THSD7B: variants seen among roughly 807,000 people sequenced by gnomAD.
THSD7B encodes thrombospondin type-1 domain-containing protein 7B.
THSD7B carries 138 observed loss-of-function variants against 213.6 expected under a neutral mutation model. That is an observed-to-expected ratio of 0.65 (90% CI 0.56 to 0.74). The LOEUF (loss-of-function observed/expected upper bound fraction) is 0.74, where lower values mean the gene tolerates loss of function less well. Among genes scored for constraint, THSD7B ranks in the 30% least tolerant of loss-of-function variants. THSD7B has a pLI of 0.00. For synonymous variants in THSD7B, 742 were observed against 687.0 expected, an observed-to-expected ratio of 1.08 and a Z score of -1.25; for missense variants, 1,931 against 1,991.5, an observed-to-expected ratio of 0.97 and a Z score of 0.58.
chr2:136,976,225 G>A (rs780937975), intron 2 of THSD7B, among the ~76,000 whole-genome samples: 14 of 152,222 alleles, frequency 9.2e-5, no homozygotes, highest in Non-Finnish European at 1.6e-4. Context: ...AGTGGTGAGA[G>A]AGGGCAGCCT....
intron 3 of THSD7B, among the ~76,000 whole-genome samples, chr2:137,087,814 A>G (rs1230029803): frequency 6.6e-6 from 1 of 152,244 alleles, no homozygotes; most frequent in East Asian, 1.9e-4. Flanking sequence ...TAAAATTCAT[A>G]TGGAACCAAA....
At chr2:137,497,356 G>A (rs577831981) in intron 15 of THSD7B, among the ~76,000 whole-genome samples, 3 of 151,750 alleles carry the variant, frequency 2.0e-5, no homozygotes, top group East Asian at 1.9e-4. Context: ...TAAAATAATC[G>A]TAGACCTTAA....
chr2:137,398,743 G>T (rs1686269365), intron 12 of THSD7B, among the ~76,000 whole-genome samples: 1 of 152,190 alleles, frequency 6.6e-6, no homozygotes, highest in Admixed American at 6.5e-5. Context: ...CTGGGCAATG[G>T]TGGGCGCCCC....
intron 5 of THSD7B, among the ~76,000 whole-genome samples, chr2:137,153,563 C>T (rs1679855865): frequency 6.6e-6 from 1 of 152,126 alleles, no homozygotes; most frequent in Admixed American, 6.6e-5. Flanking sequence ...TTCTAGGAGA[C>T]AGATTTTATT....
intron 17 of THSD7B, among the ~76,000 whole-genome samples, chr2:137,611,064 A>G (rs1309332227): frequency 6.6e-6 from 1 of 151,162 alleles, no homozygotes; most frequent in African/African-American, 2.4e-5. Flanking sequence ...CGCACAAAAA[A>G]AAGACAAGCA....
chr2:137,290,011 A>G (rs1406342251), intron 12 of THSD7B, among the ~76,000 whole-genome samples: 9 of 152,072 alleles, frequency 5.9e-5, no homozygotes, highest in Admixed American at 3.9e-4. Context: ...AGACCTCTTT[A>G]TAAAATGGCT....
chr2:137,080,401 A>G (rs55665229), intron 3 of THSD7B, among the ~76,000 whole-genome samples: 13,136 of 137,506 alleles, frequency 0.096, 824 homozygotes, highest in African/African-American at 0.18. Flanking sequence ...TTAAATAGAG[A>G]CAGGGTTTCA....
chr2:136,799,384 A>G (rs1558808879), intron 1 of THSD7B, among the ~76,000 whole-genome samples: 2 of 151,988 alleles, frequency 1.3e-5, no homozygotes, highest in African/African-American at 2.4e-5. Context: ...GAGCCTATAT[A>G]TTTTCTTTTG....
intron 17 of THSD7B, among the ~76,000 whole-genome samples, chr2:137,601,167 T>TGAA (rs1402328546): frequency 6.6e-6 from 1 of 152,182 alleles, no homozygotes; most frequent in Non-Finnish European, 1.5e-5. Context: ...AATTTATTAT[T>TGAA]GAAGAATGGA....
At chr2:137,382,319 T>A (rs1158599485) in intron 12 of THSD7B, among the ~76,000 whole-genome samples, 2 of 152,234 alleles carry the variant, frequency 1.3e-5, no homozygotes, top group East Asian at 3.9e-4. Context: ...ATTGGGATGA[T>A]GCAGCTGAGA....
intron 12 of THSD7B, among the ~76,000 whole-genome samples, chr2:137,392,629 T>C (rs1183688475): frequency 1.3e-5 from 2 of 152,180 alleles, no homozygotes; most frequent in Admixed American, 6.6e-5. Flanking sequence ...TCTGTCCATA[T>C]GTGTCTTTAG....
intron 1 of THSD7B, among the ~76,000 whole-genome samples, chr2:136,793,540 C>G (rs1017112176): frequency 6.6e-6 from 1 of 151,926 alleles, no homozygotes; most frequent in African/African-American, 2.4e-5. Context: ...TTTTGATACA[C>G]CAAAACTCAC....
chr2:137,264,306 G>A lies in THSD7B; in HGVS notation c.2267-8227G>A, dbSNP rs1222790019. Among the ~76,000 whole-genome samples the A allele has an allele frequency of 3.3e-5, 5 of 150,590 alleles. No homozygotes were observed. In the East Asian group the frequency reaches 7.8e-4, roughly 24 times the overall value. ...CTCGCTCTCTTGCCCAGGCTGGGGT[G>A]CAGTGGCGCAATTTCAGCTCACGGC... On this transcript the variant is annotated intron_variant, in intron 10 of 27. Transcript: ENST00000409968.
chr2:137,475,334 G>A (rs1438309572), intron 15 of THSD7B, among the ~76,000 whole-genome samples: 2 of 152,110 alleles, frequency 1.3e-5, no homozygotes, highest in African/African-American at 4.8e-5. Context: ...TATGTGTTCG[G>A]AAACTTTCAA....
chr2:137,079,974 G>A lies in THSD7B; in HGVS notation c.951-14899G>A, dbSNP rs115233046. On this transcript the variant is annotated intron_variant, in intron 3 of 27. Transcript: ENST00000409968. ...CTTACCTCAGCCTCCTGAGTTGCTGGAATTACAGGCACGCACCACCACTCT... is the reference window on the plus strand; with the variant it reads ...CTTACCTCAGCCTCCTGAGTTGCTGAAATTACAGGCACGCACCACCACTCT... Among the ~76,000 whole-genome samples the A allele has an allele frequency of 4.7e-3, 716 of 151,996 alleles. 2 individuals carry two copies. The highest frequency in any genetic ancestry group is 8.4e-3 in the Non-Finnish European group (574 of 67,990).
chr2:136,810,367 A>G (rs1224924242), intron 1 of THSD7B, among the ~76,000 whole-genome samples: 3 of 152,202 alleles, frequency 2.0e-5, no homozygotes, highest in Non-Finnish European at 4.4e-5. Flanking sequence ...TTCCTTTAAA[A>G]TGTCTCTATA....
chr2:136,766,059 A>G lies in THSD7B; in HGVS notation c.-36+372A>G, dbSNP rs553093843. On this transcript the variant is annotated intron_variant, in intron 1 of 27. Transcript: ENST00000409968. ...TCACCTCCAGCTTGGTTTGAGGGAT[A>G]CTGATGAAGGAAACCGGGGGTTTCC... Among the ~76,000 whole-genome samples the G allele has an allele frequency of 9.7e-4, 148 of 152,284 alleles. 2 individuals are homozygous for G. Among genetic ancestry groups the G allele is most frequent in the African/African-American group, 3.4e-3 (142 of 41,572 alleles).
At chr2:137,366,964 T>C (rs1685421247) in intron 12 of THSD7B, among the ~76,000 whole-genome samples, 1 of 152,198 alleles carries the variant, frequency 6.6e-6, no homozygotes, top group South Asian at 2.1e-4. Flanking sequence ...CAAGGATGTT[T>C]GTTTTCCGTA....
intron 1 of THSD7B, among the ~76,000 whole-genome samples, chr2:136,801,156 A>T (rs748618374): frequency 1.4e-4 from 22 of 152,092 alleles, no homozygotes; most frequent in Non-Finnish European, 2.9e-5. Context: ...CCGACAAATG[A>T]TGTAACTTGC....
Sources: allele counts gnomAD v4.1 joint callset (sites outside exome capture counted in the v4.1 genomes callset), GRCh38; gene constraint gnomAD v4.1.1; transcripts MANE v1.5; gene names NCBI Gene and HGNC (gene_info 2026-07-23, HGNC 2026-07-21).